Variants in AHCTF1 observed in about 807,000 individuals in gnomAD.
AHCTF1 encodes protein ELYS.
AHCTF1 carries 24 observed loss-of-function variants against 248.4 expected under a neutral mutation model. The ratio of observed to expected loss-of-function variants is 0.10; its 90% CI spans 0.07 to 0.14. The LOEUF is 0.14. AHCTF1 is among the 10% of genes least tolerant of loss of function. AHCTF1 has a pLI of 1.00. For synonymous variants in AHCTF1, 786 were observed against 929.8 expected (o/e 0.85, Z 2.81); for missense variants, 2,206 against 2,636.2 (o/e 0.84, Z 3.57).
At chr1:246,865,038 A>G (rs1661865569) in intron 26 of AHCTF1, among the ~76,000 whole-genome samples, 1 of 152,216 alleles carries the variant, frequency 6.6e-6, no homozygotes, top group East Asian at 1.9e-4. Context: ...CCCACTGATT[A>G]CTTGTACTGA....
intron 16 of AHCTF1, 31 bp from the exon 17 acceptor site, chr1:246,890,090 G>C: frequency 6.9e-7 from 1 of 1,443,666 alleles, no homozygotes; most frequent in East Asian, 2.3e-5. Context: ...AAAAAAGCTG[G>C]TAATAATCCC....
intron 21 of AHCTF1, among the ~76,000 whole-genome samples, chr1:246,881,557 C>A (rs1193539587): frequency 1.3e-5 from 2 of 152,058 alleles, no homozygotes; most frequent in Non-Finnish European, 2.9e-5. Flanking sequence ...GCAGGGTCAG[C>A]TGGGCAAGGA....
chr1:246,869,052 G>A lies in AHCTF1; in HGVS notation c.3089-1241C>T, dbSNP rs374435402. Among the ~76,000 whole-genome samples the A allele has an allele frequency of 1.2e-3, 177 of 151,662 alleles. 2 individuals are homozygous for A. In the East Asian group the frequency reaches 0.019, roughly 16 times the overall value. On this transcript the variant is annotated intron_variant, in intron 24 of 35. Coordinates refer to ENST00000648844, the MANE Select transcript of AHCTF1 (RefSeq NM_001323342.2). ...GTAGAGACGGGGTTTCACCATGTTG[G>A]CCAGGATGGTCTCGATCTCCTGACC...
chr1:246,920,878 G>A (rs1034051331), intron 1 of AHCTF1, among the ~76,000 whole-genome samples: 3 of 152,068 alleles, frequency 2.0e-5, no homozygotes, highest in African/African-American at 7.2e-5. Flanking sequence ...CTGAGGTCTG[G>A]AGTTCAAGAC....
At chr1:246,854,673 CAAGGGGCTTAATCCTGACAA>C (rs1179876420) in intron 31 of AHCTF1, among the ~76,000 whole-genome samples, 2 of 152,146 alleles carry the variant, frequency 1.3e-5, no homozygotes, top group Non-Finnish European at 2.9e-5. Context: ...ACTTTACATG[CAAGGGGCTTAATCCTGACAA>C]CTCTAGGAAA....
intron 21 of AHCTF1, among the ~76,000 whole-genome samples, chr1:246,882,232 C>T (rs9729316): frequency 0.62 from 92,877 of 148,992 alleles, 31,125 homozygotes; most frequent in African/African-American, 0.9. Flanking sequence ...CTCCTGACCT[C>T]GTGATCCACC....
chr1:246,859,748 T>A lies in AHCTF1; in HGVS notation c.4132+1151A>T, dbSNP rs12727818. On this transcript the variant is annotated intron_variant, in intron 29 of 35. Transcript: ENST00000648844. ...ATGCTATCGTGCCCAGCTAATTTTTTTATATTTTTTGTAGAGATGGGGTCT... is the reference window on the plus strand; with the variant it reads ...ATGCTATCGTGCCCAGCTAATTTTTATATATTTTTTGTAGAGATGGGGTCT... Among the ~76,000 whole-genome samples, 488 of 152,132 alleles carry A rather than the reference T, an allele frequency of 3.2e-3. 1 individual carries two copies. The highest frequency in any genetic ancestry group is 0.011 in the African/African-American group (443 of 41,536).
At chr1:246,883,178 G>C (rs1410755068) in intron 21 of AHCTF1, among the ~76,000 whole-genome samples, 1 of 152,168 alleles carries the variant, frequency 6.6e-6, no homozygotes, top group African/African-American at 2.4e-5. Flanking sequence ...GTGTTTGATG[G>C]TTTAAATATT....
chr1:246,909,113 A>ATCTATT (rs1665611783), intron 4 of AHCTF1, among the ~76,000 whole-genome samples: 1 of 150,260 alleles, frequency 6.7e-6, no homozygotes, highest in Non-Finnish European at 1.5e-5. Context: ...CTATCTATTT[A>ATCTATT]TATATATATA....
intron 20 of AHCTF1, 54 bp downstream of exon 20, chr1:246,887,157 T>A (rs958654877): frequency 6.5e-7 from 1 of 1,539,934 alleles, no homozygotes; most frequent in Non-Finnish European, 8.7e-7. Context: ...TTATGTGTAT[T>A]TTCTAAAATT....
In AHCTF1 at chr1:246,850,452, G is replaced by C. The variant is rs1348752847; in HGVS notation, c.5554C>G (p.Pro1852Ala). The change falls in exon 33 of 36, where the codon CCA becomes GCA. Residue 1852 changes from proline to alanine, a missense_variant. By Grantham distance (27) the Pro-to-Ala change is conservative. Transcript: ENST00000648844. Reference protein sequence around the residue: ...KRLKSSQLLEPAVEETTKKEV... With the variant: ...KRLKSSQLLEAAVEETTKKEV... ...TTTTTAGTAGTTTCTTCAACTGCTG[G>C]TTCCAACAGCTGAGATGATTTTAAT... 2 of 1,592,164 alleles carry C rather than the reference G, an allele frequency of 1.3e-6. No individual in the cohort carries two copies. The highest frequency in any genetic ancestry group is 1.7e-6 in the Non-Finnish European group (2 of 1,172,348).
At chr1:246,868,846 G>GTTTTTTTT (rs563383895) in intron 24 of AHCTF1, among the ~76,000 whole-genome samples, 1 of 128,832 alleles carries the variant, frequency 7.8e-6, no homozygotes, top group Non-Finnish European at 1.6e-5. Context: ...TGTGTTTTTT[G>GTTTTTTTT]TTTTTTTTTT....
intron 1 of AHCTF1, among the ~76,000 whole-genome samples, chr1:246,928,964 T>C (rs1425518390): frequency 6.6e-6 from 1 of 152,214 alleles, no homozygotes; most frequent in Non-Finnish European, 1.5e-5. Context: ...GTCAAGAAGA[T>C]AACCTTCTTC....
intron 31 of AHCTF1, among the ~76,000 whole-genome samples, chr1:246,854,292 C>T (rs1660943394): frequency 2.5e-5 from 3 of 119,528 alleles, no homozygotes; most frequent in African/African-American, 1.2e-4. Context: ...GAGCGAGACT[C>T]TGTTTCAAAA....
At chr1:246,912,391 G>T (rs1171840691) in intron 4 of AHCTF1, among the ~76,000 whole-genome samples, 1 of 151,676 alleles carries the variant, frequency 6.6e-6, no homozygotes, top group Non-Finnish European at 1.5e-5. Context: ...GCTGAGGCAG[G>T]AGAATTGCTT....
At chr1:246,921,867 A>T (rs550164080) in intron 1 of AHCTF1, among the ~76,000 whole-genome samples, 1 of 152,346 alleles carries the variant, frequency 6.6e-6, no homozygotes, top group African/African-American at 2.4e-5. Flanking sequence ...TAGAATAGAG[A>T]TCAGATAGAA....
At chr1:246,855,961 A>C in intron 30 of AHCTF1, 134 bp from the exon 31 acceptor site, 1 of 515,684 alleles carries the variant, frequency 1.9e-6, no homozygotes, top group Non-Finnish European at 3.4e-6. Flanking sequence ...ACTCAAGCTC[A>C]TTCTGAACAA....
chr1:246,850,491 T>C lies in AHCTF1; in HGVS notation c.5515A>G (p.Arg1839Gly). 6.2e-7 allele frequency: 1 copy of C among 1,601,516 alleles called. No homozygotes were observed. The highest frequency in any genetic ancestry group is 1.3e-5 in the African/African-American group (1 of 74,108). Residue 1839 changes from arginine to glycine, a missense_variant, in exon 33 of 36, where the codon AGG becomes GGG. By Grantham distance (125) the Arg-to-Gly change is moderately radical. Around this residue, in one of 6 missense-constraint regions of AHCTF1, gnomAD observed 29 missense variants for 57.1 expected, o/e 0.51. Transcript: ENST00000648844. ...VEQELQITTG[R>G]ESKRLKSSQL... is the part of the protein sequence containing the mutation. ...GATGATTTTAATCTTTTTGATTCCC[T>C]ACCTGTAGTGATCTGTAATTCTTGT...
chr1:246,900,797 C>A (rs930586576), intron 8 of AHCTF1, among the ~76,000 whole-genome samples: 1 of 152,282 alleles, frequency 6.6e-6, no homozygotes, highest in South Asian at 2.1e-4. Context: ...CTCGCAAGGA[C>A]GGTACGGAGC....
Sources: gnomAD v4.1 joint callset for allele counts (sites outside exome capture counted in the v4.1 genomes callset) on GRCh38, gnomAD v4.1.1 for gene constraint, gnomAD v4.1.1 regional missense constraint, MANE v1.5 for transcripts, NCBI Gene and HGNC (gene_info 2026-07-23, HGNC 2026-07-21) for gene names.